The following DENND5A variants were observed in gnomAD, a reference collection of about 807,000 sequenced individuals.
DENND5A encodes the protein DENN domain containing 5A.
DENND5A carries 64 observed loss-of-function variants against 140.3 expected under a neutral mutation model. That is an observed-to-expected ratio of 0.46 (90% confidence interval 0.37 to 0.56). The LOEUF is 0.56. Ranked by LOEUF, DENND5A falls within the 20% of genes least tolerant of loss-of-function variation. DENND5A has a pLI of 0.00. For missense variants in DENND5A, 1,292 were observed against 1,593.8 expected, an observed-to-expected ratio of 0.81 and a Z score of 3.22; for synonymous variants, 605 against 607.7, an observed-to-expected ratio of 1.00 and a Z score of 0.07.
intron 1 of DENND5A, among the ~76,000 whole-genome samples, chr11:9,212,630 C>A (rs1164239254): frequency 6.7e-6 from 1 of 149,820 alleles, no homozygotes; most frequent in East Asian, 1.9e-4. Context: ...AACACAAGTA[C>A]TGAAAAAAAA....
At chr11:9,256,741 T>C (rs539906699) in intron 1 of DENND5A, among the ~76,000 whole-genome samples, 2 of 152,096 alleles carry the variant, frequency 1.3e-5, no homozygotes, top group East Asian at 1.9e-4. Flanking sequence ...GGTTAGAGGG[T>C]TGGGAGAAAA....
At chr11:9,184,667 C>T (rs1590245607) in intron 5 of DENND5A, among the ~76,000 whole-genome samples, 1 of 152,146 alleles carries the variant, frequency 6.6e-6, no homozygotes, top group East Asian at 1.9e-4. Flanking sequence ...GGCACTGCAT[C>T]GTGTATTTGA....
At chr11:9,163,952 A>C (rs1366280214) in intron 11 of DENND5A, among the ~76,000 whole-genome samples, 6 of 151,694 alleles carry the variant, frequency 4.0e-5, no homozygotes, top group Non-Finnish European at 8.8e-5. Context: ...CTCAGAGTGA[A>C]CTGACAGAAG....
chr11:9,213,137 G>A (rs1308504054), intron 1 of DENND5A, among the ~76,000 whole-genome samples: 1 of 151,672 alleles, frequency 6.6e-6, no homozygotes, highest in Non-Finnish European at 1.5e-5. Flanking sequence ...CCGAGTAGCT[G>A]GGATTACAGG....
chr11:9,263,361 C>T (rs1456406306), intron 1 of DENND5A, among the ~76,000 whole-genome samples: 2 of 151,676 alleles, frequency 1.3e-5, no homozygotes, highest in African/African-American at 4.8e-5. Context: ...GCTGGGATTA[C>T]AGGCACGCGC....
chr11:9,175,045 A>T (rs1291910724), intron 8 of DENND5A, among the ~76,000 whole-genome samples: 1 of 152,176 alleles, frequency 6.6e-6, no homozygotes, highest in Non-Finnish European at 1.5e-5. Context: ...TAAAACTATC[A>T]TTATTCACAG....
chr11:9,173,742 T>C (rs1186655482), intron 8 of DENND5A, among the ~76,000 whole-genome samples: 3 of 152,132 alleles, frequency 2.0e-5, no homozygotes, highest in Non-Finnish European at 4.4e-5. Flanking sequence ...CTATAAATCC[T>C]AAAGCAACTG....
At chr11:9,189,143 T>C (rs992228629) in intron 5 of DENND5A, among the ~76,000 whole-genome samples, 5 of 152,220 alleles carry the variant, frequency 3.3e-5, no homozygotes, top group African/African-American at 1.2e-4. Context: ...AAAGGGGCTA[T>C]CACAGAGCTC....
In DENND5A at chr11:9,215,081, C is replaced by T. The variant is rs112129393; in HGVS notation, c.110-7449G>A. Reference sequence around the variant, plus strand: ...GCACTAACCCAGGAAAGCTGCTTACCAGGCTTTTCAATGTAAATTTAAGAG... The same window carrying T: ...GCACTAACCCAGGAAAGCTGCTTACTAGGCTTTTCAATGTAAATTTAAGAG... On this transcript the variant is annotated intron_variant, in intron 1 of 22. Transcript: ENST00000328194. Among the ~76,000 whole-genome samples, 1,513 of 152,282 alleles carry T rather than the reference C, an allele frequency of 9.9e-3. 32 individuals carry two copies. Among genetic ancestry groups the T allele is most frequent in the African/African-American group, 0.034 (1,417 of 41,560 alleles).
In DENND5A at chr11:9,180,888, G is replaced by A. The variant is rs148944247; in HGVS notation, c.1334C>T (p.Ser445Leu). 4.3e-5 allele frequency: 69 copies of A among 1,614,194 alleles called. No individual in the cohort carries two copies. The highest frequency in any genetic ancestry group is 1.1e-4 in the East Asian group (5 of 44,880). Residue 445 changes from serine (S) to leucine (L), a missense_variant, in exon 6 of 23, where the codon TCG (serine) becomes TTG (leucine). Around this residue, in one of 4 missense-constraint regions of DENND5A, gnomAD observed 566 missense variants for 650.4 expected, o/e 0.87. Coordinates refer to ENST00000328194, the MANE Select transcript of DENND5A (RefSeq NM_015213.4). Reference sequence around the variant, plus strand: ...AGCAATGTTCCCATTCCTCTTGTCCGAGACAAGCTCAGAGGCCCGCAGCCT... The same window carrying A: ...AGCAATGTTCCCATTCCTCTTGTCCAAGACAAGCTCAGAGGCCCGCAGCCT... Reference protein sequence around the residue: ...LKRLRASELVSDKRNGNIAGS... With the variant: ...LKRLRASELVLDKRNGNIAGS...
At chr11:9,148,752 T>C (rs1646520724) in intron 15 of DENND5A, among the ~76,000 whole-genome samples, 2 of 152,212 alleles carry the variant, frequency 1.3e-5, no homozygotes, top group African/African-American at 4.8e-5. Flanking sequence ...CTTGCTTTTG[T>C]TCTCTCTGAG....
chr11:9,260,625 TCTC>T (rs1852155599), intron 1 of DENND5A, among the ~76,000 whole-genome samples: 1 of 152,124 alleles, frequency 6.6e-6, no homozygotes. Flanking sequence ...ATTACCTTCT[TCTC>T]CTTCTAGCCC....
intron 5 of DENND5A, among the ~76,000 whole-genome samples, chr11:9,181,853 T>A (rs1848743039): frequency 2.6e-5 from 4 of 152,204 alleles, no homozygotes; most frequent in Admixed American, 2.6e-4. Flanking sequence ...ATGATCTCCC[T>A]CTATGACCCT....
intron 1 of DENND5A, among the ~76,000 whole-genome samples, chr11:9,237,978 G>A (rs1346095111): frequency 1.3e-5 from 2 of 152,148 alleles, no homozygotes; most frequent in Admixed American, 6.5e-5. Context: ...AAGTGTACAT[G>A]GATATTTGAA....
At chr11:9,159,726 T>C (rs1013803273) in intron 12 of DENND5A, among the ~76,000 whole-genome samples, 5 of 152,250 alleles carry the variant, frequency 3.3e-5, no homozygotes, top group African/African-American at 1.2e-4. Flanking sequence ...GTTTAACATT[T>C]TGAGGAACTG....
At chr11:9,155,973 G>A (rs897003478) in intron 12 of DENND5A, among the ~76,000 whole-genome samples, 2 of 152,188 alleles carry the variant, frequency 1.3e-5, no homozygotes, top group African/African-American at 4.8e-5. Context: ...ATAATAATGG[G>A]CGGTTGCTTA....
intron 1 of DENND5A, among the ~76,000 whole-genome samples, chr11:9,214,701 A>G (rs1850018250): frequency 1.3e-5 from 2 of 151,866 alleles, no homozygotes; most frequent in Admixed American, 6.6e-5. Context: ...CTGCCCCCCA[A>G]CCCCCACCCA....
chr11:9,193,677 G>A lies in DENND5A; in HGVS notation c.954C>T (p.Tyr318=). The change falls in exon 5 of 23, where the codon TAC becomes TAT. Residue 318 remains tyrosine, a synonymous_variant. Coordinates refer to ENST00000328194, the MANE Select transcript of DENND5A (RefSeq NM_015213.4). ...EFQILLYSQH[Y]QRLMTVAETI... is the part of the protein sequence containing the mutation. ...TCTCCGCCACAGTCATCAGTCTCTGGTAATCTGGGTCAACAACAACAAAAA... is the reference window on the plus strand; with the variant it reads ...TCTCCGCCACAGTCATCAGTCTCTGATAATCTGGGTCAACAACAACAAAAA... The A allele has an allele frequency of 1.2e-6, 2 of 1,604,420 alleles. No homozygotes were observed. The highest frequency in any genetic ancestry group is 2.2e-5 in the East Asian group (1 of 44,720).
intron 1 of DENND5A, among the ~76,000 whole-genome samples, chr11:9,223,681 T>C (rs1850412663): frequency 6.6e-6 from 1 of 152,152 alleles, no homozygotes; most frequent in Admixed American, 6.6e-5. Context: ...ATCACACCAC[T>C]GCACTCCAGT....
Sources: gnomAD v4.1 joint callset for allele counts (sites outside exome capture counted in the v4.1 genomes callset) on GRCh38, gnomAD v4.1.1 for gene constraint, gnomAD v4.1.1 regional missense constraint, MANE v1.5 for transcripts, NCBI Gene and HGNC (gene_info 2026-07-23, HGNC 2026-07-21) for gene names.